NOL4L: variants seen among roughly 807,000 people sequenced by gnomAD.
NOL4L encodes the protein nucleolar protein 4-like.
NOL4L carries 7 observed loss-of-function variants against 64.5 expected under a neutral mutation model. The observed-to-expected ratio is 0.11, with a 90% confidence interval of 0.06 to 0.20. The LOEUF (loss-of-function observed/expected upper bound fraction) is 0.20. NOL4L is among the 10% of genes least tolerant of loss of function. NOL4L has a pLI of 1.00. For synonymous variants in NOL4L, 413 were observed against 401.0 expected (o/e 1.03, Z -0.36); for missense variants, 680 against 967.1 (o/e 0.70, Z 3.94).
At position 32,453,233 on chromosome 20, in the gene NOL4L, C is replaced by T; in HGVS notation, c.1497+71G>A. The T allele has an allele frequency of 6.4e-7, 1 of 1,551,346 alleles. No individual in the cohort carries two copies. The highest frequency in any genetic ancestry group is 8.8e-7 in the Non-Finnish European group (1 of 1,140,722). ...AAGACCCTGGGTGAAGGGGCCCGGG[C>T]ATCCTGGGAGTGTGGCAGGAGGTCA... On this transcript the variant is annotated intron_variant, in intron 8 of 10. Coordinates refer to ENST00000621426, the MANE Select transcript of NOL4L (RefSeq NM_001256798.2). The surrounding 1 kb of genome is among the most constrained non-coding windows in gnomAD (Gnocchi z 5.6).
intron 2 of NOL4L, among the ~76,000 whole-genome samples, chr20:32,523,222 T>A (rs1333511734): frequency 6.6e-6 from 1 of 152,012 alleles, no homozygotes; most frequent in African/African-American, 2.4e-5. Context: ...AAGGGGAGGA[T>A]AGAAGGCTGA....
intron 4 of NOL4L, among the ~76,000 whole-genome samples, chr20:32,478,452 G>A (rs1194727824): frequency 6.6e-6 from 1 of 152,136 alleles, no homozygotes; most frequent in Non-Finnish European, 1.5e-5. Context: ...CCACCTGTAG[G>A]TGCAGTGGGG....
rs1281591723 is a variant in NOL4L at position 32,488,857 on chromosome 20, T to G, written c.700-14115A>C. ...TTTCTTTCTTTCTTTCTTTCTTTCT[T>G]TCTTTCTTTCTTTCTTTCTTTCTTT... is the stretch of plus-strand genomic sequence containing the variant. On this transcript the variant is annotated intron_variant, in intron 4 of 10. Transcript: ENST00000621426. Among the ~76,000 whole-genome samples, 11 of 103,760 alleles carry G rather than the reference T, an allele frequency of 1.1e-4. 1 individual carries two copies. The highest frequency in any genetic ancestry group is 6.1e-4 in the African/African-American group (11 of 17,928). 68.1% of individuals were successfully genotyped at this position (103,760 alleles called of 152,430 possible). A position where few individuals can be genotyped will look rare whatever the true frequency, so the allele number is the denominator to read the frequency against.
intron 4 of NOL4L, among the ~76,000 whole-genome samples, chr20:32,492,399 G>A (rs1385458015): frequency 2.0e-5 from 3 of 152,260 alleles, no homozygotes; most frequent in Non-Finnish European, 4.4e-5. Context: ...AGTCAGGTCA[G>A]TGGTCACCCT....
chr20:32,501,043 G>A (rs775819341), intron 4 of NOL4L, among the ~76,000 whole-genome samples: 1 of 152,156 alleles, frequency 6.6e-6, no homozygotes, highest in African/African-American at 2.4e-5. Flanking sequence ...TTCAGGTGTG[G>A]GCTGCACACG....
At chr20:32,456,716 G>A (rs936453183) in intron 5 of NOL4L, among the ~76,000 whole-genome samples, 1 of 152,238 alleles carries the variant, frequency 6.6e-6, no homozygotes, top group African/African-American at 2.4e-5. Flanking sequence ...GTTTGGGAGT[G>A]AGTGGCCTGT....
intron 1 of NOL4L, among the ~76,000 whole-genome samples, chr20:32,536,709 G>C (rs1339850577): frequency 6.7e-6 from 1 of 148,890 alleles, no homozygotes; most frequent in African/African-American, 2.5e-5. Flanking sequence ...CCCGGAGCTG[G>C]GACAGCCTGA....
rs1568651209 is a variant in NOL4L, at chr20:32,490,139, A to AT, written c.700-15398_700-15397insA. Reference sequence around the variant, plus strand: ...GAGAGACTCCATCTCAAAAAAAAAAAAAAAAATATATATACACATATATAT... The same window carrying AT: ...GAGAGACTCCATCTCAAAAAAAAAAATAAAAAATATATATACACATATATAT... On this transcript the variant is annotated intron_variant, in intron 4 of 10. Transcript: ENST00000621426. Among the ~76,000 whole-genome samples the AT allele has an allele frequency of 2.6e-3, 380 of 144,838 alleles. 7 individuals carry two copies. The highest frequency in any genetic ancestry group is 9.3e-3 in the African/African-American group (350 of 37,562).
At chr20:32,517,047 T>C (rs1204340991) in intron 3 of NOL4L, among the ~76,000 whole-genome samples, 1 of 152,024 alleles carries the variant, frequency 6.6e-6, no homozygotes, top group Non-Finnish European at 1.5e-5. Context: ...GAGTGTGGAG[T>C]CAGGAGGTCC....
In NOL4L at chr20:32,552,228, AT is replaced by A. The variant is rs565377733; in HGVS notation, c.322-24316del. 1.4e-4 allele frequency among the ~76,000 whole-genome samples: 21 copies of A among 152,348 alleles called. No homozygotes were observed. In the East Asian group the frequency reaches 4.0e-3, roughly 29 times the overall value. On this transcript the variant is annotated intron_variant, in intron 1 of 10. Transcript: ENST00000621426. ...CTAGAAACAAAACCCAGAAATAGAT[AT>A]GCATATGTGCATATATATGTATAAA...
intron 2 of NOL4L, among the ~76,000 whole-genome samples, chr20:32,521,918 C>G (rs1411663005): frequency 6.6e-6 from 1 of 152,262 alleles, no homozygotes; most frequent in East Asian, 1.9e-4. Flanking sequence ...GTTCCGCTGT[C>G]CTCGCCGCAG....
intron 1 of NOL4L, chr20:32,535,781 A>AG (rs1214961855): frequency 1.0e-6 from 1 of 985,290 alleles, no homozygotes; most frequent in East Asian, 1.1e-4. Context: ...GGGAAGAGAA[A>AG]GGGGCACAGT....
intron 1 of NOL4L, chr20:32,535,499 G>A (rs1424144216): frequency 1.0e-5 from 8 of 792,902 alleles, no homozygotes; most frequent in African/African-American, 7.5e-5. Flanking sequence ...CGCCGCCACC[G>A]CCACCACCGA....
chr20:32,467,434 C>T (rs147875686), intron 5 of NOL4L, among the ~76,000 whole-genome samples: 51 of 152,192 alleles, frequency 3.4e-4, no homozygotes, highest in African/African-American at 1.1e-3. Context: ...GCTCCCTTTA[C>T]GAAGAAGCAC....
At chr20:32,575,284 G>A (rs1034293858) in intron 1 of NOL4L, among the ~76,000 whole-genome samples, 1 of 151,990 alleles carries the variant, frequency 6.6e-6, no homozygotes, top group African/African-American at 2.4e-5. Context: ...AGCTGACTTG[G>A]CCATTTACTC....
intron 3 of NOL4L, among the ~76,000 whole-genome samples, chr20:32,516,432 G>A (rs370113915): frequency 6.6e-6 from 1 of 152,188 alleles, no homozygotes; most frequent in East Asian, 1.9e-4. Context: ...GGTGAAGGAT[G>A]AGCAGGGTGC....
At chr20:32,538,768 C>T (rs2018601539) in intron 1 of NOL4L, among the ~76,000 whole-genome samples, 1 of 152,218 alleles carries the variant, frequency 6.6e-6, no homozygotes, top group Non-Finnish European at 1.5e-5. Flanking sequence ...GAGGCAGCGG[C>T]AGGCGGGTGC....
chr20:32,549,927 A>C (rs184892746), intron 1 of NOL4L, among the ~76,000 whole-genome samples: 1 of 152,328 alleles, frequency 6.6e-6, no homozygotes, highest in African/African-American at 2.4e-5. Context: ...GAAGAGAATA[A>C]AAAGCAGAGG....
rs530282531 is a variant in NOL4L at position 32,455,778 on chromosome 20, C to T, written c.1119+340G>A. ...TGGGAGGCCTCGTACCTGGCTGTGC[C>T]GAAAGTGGCCACTTGCTGTTATCCC... On this transcript the variant is annotated intron_variant, in intron 6 of 10. Coordinates refer to ENST00000621426, the MANE Select transcript of NOL4L (RefSeq NM_001256798.2). Among the ~76,000 whole-genome samples the T allele has an allele frequency of 8.5e-5, 13 of 152,304 alleles. No individual in the cohort carries two copies. In the South Asian group the frequency reaches 2.5e-3, roughly 29 times the overall value.
Sources: allele counts gnomAD v4.1 joint callset (sites outside exome capture counted in the v4.1 genomes callset), GRCh38; gene constraint gnomAD v4.1.1; non-coding constraint Gnocchi (gnomAD v3.1); transcripts MANE v1.5; gene names NCBI Gene and HGNC (gene_info 2026-07-23, HGNC 2026-07-21).